The following DYNC2H1 variants were observed in gnomAD, a reference collection of about 807,000 sequenced individuals.
The protein encoded by DYNC2H1 is cytoplasmic dynein 2 heavy chain 1.
Under a neutral mutation model 570.0 loss-of-function variants are expected in DYNC2H1, and 410 were observed. That is an observed-to-expected ratio of 0.72 (90% CI 0.66 to 0.78). The LOEUF (loss-of-function observed/expected upper bound fraction) is 0.78, where lower values mean the gene tolerates loss of function less well. Among genes scored for constraint, DYNC2H1 ranks in the 30% least tolerant of loss-of-function variants. DYNC2H1 has a pLI of 0.00. For missense variants in DYNC2H1, 4,865 were observed against 5,046.4 expected (o/e 0.96, Z 1.09); for synonymous variants, 1,688 against 1,677.6 (o/e 1.01, Z -0.15).
chr11:103,307,979 T>C (rs961915017), intron 78 of DYNC2H1, 148 bp downstream of exon 78: 1 of 423,140 alleles, frequency 2.4e-6, no homozygotes. Flanking sequence ...CATAAGATGA[T>C]GTAAAATACA....
In DYNC2H1 at chr11:103,325,121, T is replaced by C. The variant is rs979544462; in HGVS notation, c.12039+1131T>C. 6.6e-6 allele frequency among the ~76,000 whole-genome samples: 1 copy of C among 152,208 alleles called. No individual in the cohort carries two copies. On this transcript the variant is annotated intron_variant, in intron 82 of 88. Transcript: ENST00000375735. The surrounding 1 kb of genome is among the most constrained non-coding windows in gnomAD (Gnocchi z 4.8). The stretch of plus-strand genomic sequence containing the variant: ...TAGATTCTGGACATTGGACCTTTGT[T>C]GAGTACTTAGTTTGCAAACATTTTC...
At chr11:103,450,398 TGC>T (rs1162487724) in intron 85 of DYNC2H1, among the ~76,000 whole-genome samples, 2 of 152,198 alleles carry the variant, frequency 1.3e-5, no homozygotes, top group African/African-American at 4.8e-5. Flanking sequence ...CGCATTCAAG[TGC>T]GCACAGGGTG....
intron 84 of DYNC2H1, among the ~76,000 whole-genome samples, chr11:103,434,803 T>TAGAG (rs1944006431): frequency 1.3e-5 from 2 of 152,236 alleles, no homozygotes; most frequent in South Asian, 4.1e-4. Context: ...TGGGGGTCTC[T>TAGAG]GTTCATCTCC....
Position 103,156,799 on chromosome 11 carries a change from C to A in DYNC2H1, c.4127+29C>A, listed in dbSNP as rs754439081. The A allele has an allele frequency of 4.4e-6, 7 of 1,575,086 alleles. No homozygotes were observed. The African/African-American group carries it at 8.3e-5, about 19-fold the overall frequency. The stretch of plus-strand genomic sequence containing the variant: ...AGTACAATGATGTAAGACATAGACA[C>A]ATATGGTATTTTTTTTAAATTAATT... On this transcript the variant is annotated intron_variant, in intron 26 of 88. Transcript: ENST00000375735.
chr11:103,130,803 A>G (rs1167715227), intron 13 of DYNC2H1, among the ~76,000 whole-genome samples: 1 of 152,174 alleles, frequency 6.6e-6, no homozygotes, highest in Non-Finnish European at 1.5e-5. Context: ...CTGAGGAGGA[A>G]ACTTATTTTG....
chr11:103,193,893 C>T (rs1347153180), intron 47 of DYNC2H1, among the ~76,000 whole-genome samples: 1 of 152,024 alleles, frequency 6.6e-6, no homozygotes. Flanking sequence ...TAGATCTAGG[C>T]ATATAGGATT....
chr11:103,436,517 G>T (rs1944065237), intron 85 of DYNC2H1, among the ~76,000 whole-genome samples: 1 of 145,158 alleles, frequency 6.9e-6, no homozygotes, highest in Non-Finnish European at 1.5e-5. Flanking sequence ...ATGCAAACAA[G>T]GTACCTTTGT....
intron 70 of DYNC2H1, among the ~76,000 whole-genome samples, chr11:103,270,577 CCTCTCTCTCT>C (rs3076351): frequency 2.1e-5 from 3 of 146,262 alleles, no homozygotes; most frequent in African/African-American, 5.0e-5. Flanking sequence ...TGATGTGGTA[CCTCTCTCTCT>C]CTCTCTCTCT....
At chr11:103,125,336 T>A in intron 12 of DYNC2H1, 41 bp downstream of exon 12, 1 of 1,450,378 alleles carries the variant, frequency 6.9e-7, no homozygotes, top group Non-Finnish European at 9.3e-7. Context: ...TATTTGGAGT[T>A]CATTACGTTA....
intron 18 of DYNC2H1, among the ~76,000 whole-genome samples, chr11:103,144,433 A>T (rs1591311340): frequency 6.6e-6 from 1 of 152,198 alleles, no homozygotes; most frequent in South Asian, 2.1e-4. Context: ...TCAGAGGATG[A>T]TGACATCCCC....
At chr11:103,366,808 A>G (rs1055485022) in intron 83 of DYNC2H1, among the ~76,000 whole-genome samples, 1 of 152,178 alleles carries the variant, frequency 6.6e-6, no homozygotes, top group Non-Finnish European at 1.5e-5. Context: ...AACTATTACT[A>G]ATACAGATTT....
rs187196207 is a variant in DYNC2H1 at position 103,192,132 on chromosome 11, A to G, written c.7576A>G (p.Ile2526Val). 3.1e-4 allele frequency: 475 copies of G among 1,548,516 alleles called. No individual in the cohort carries two copies. In the East Asian group the frequency reaches 4.5e-3, roughly 15 times the overall value. Residue 2526 changes from isoleucine (I) to valine (V), a missense_variant, in exon 47 of 89, where the codon ATT becomes GTT. Ile to Val is a conservative substitution (Grantham distance 29). This residue lies in a region of DYNC2H1 where 2,401 missense variants were observed against 2,454.6 expected (regional missense o/e 0.98). Coordinates refer to ENST00000375735, the MANE Select transcript of DYNC2H1 (RefSeq NM_001377.3). ...SNHPLDYVLE[I>V]VAYEARRLFR... ...CCATCCACTAGATTATGTGTTAGAA[A>G]TTGTAGCATATGAGGCACGGCGCTT...
In DYNC2H1 at chr11:103,173,270, GAGCAGAAAATTGGT is replaced by G; in HGVS notation, c.5527_5540del (p.Arg1843TyrfsTer6). The G allele has an allele frequency of 6.3e-7, 1 of 1,585,460 alleles. No homozygotes were observed. Among genetic ancestry groups the G allele is most frequent in the Non-Finnish European group, 8.6e-7 (1 of 1,167,640 alleles). On this transcript the variant is annotated frameshift_variant, in exon 35 of 89. Coordinates refer to ENST00000375735, the MANE Select transcript of DYNC2H1 (RefSeq NM_001377.3). LOFTEE classifies it high-confidence loss of function. ...AAGGCTTTAAAGACGCTAAAGTATT[GAGCAGAAAATTGGT>G]AGCTATTTTCAATCTATCTAGGTGA... is the stretch of plus-strand genomic sequence containing the variant.
intron 39 of DYNC2H1, among the ~76,000 whole-genome samples, chr11:103,180,814 G>GGCCT (rs1436338834): frequency 4.6e-5 from 7 of 151,166 alleles, no homozygotes; most frequent in African/African-American, 1.7e-4. Flanking sequence ...ATCTTTGGTT[G>GGCCT]GCCTACTTTG....
At chr11:103,141,111 AT>A (rs1389672541) in intron 17 of DYNC2H1, among the ~76,000 whole-genome samples, 6 of 151,784 alleles carry the variant, frequency 4.0e-5, no homozygotes, top group African/African-American at 1.2e-4. Context: ...ATTCATCTAA[AT>A]TTTTTTCAAA....
In DYNC2H1 at chr11:103,205,036, C is replaced by A; in HGVS notation, c.8454+72C>A. On this transcript the variant is annotated intron_variant, in intron 52 of 88. Transcript: ENST00000375735. The surrounding 1 kb of genome is among the most constrained non-coding windows in gnomAD (Gnocchi z 4.5). ...GAAGTTATTGATTTTCACAACTTCT[C>A]TTTGGTGTTGGTTATAACATCACCT... 1 of 1,414,248 alleles carries A rather than the reference C, an allele frequency of 7.1e-7. No homozygotes were observed. The highest frequency in any genetic ancestry group is 9.6e-7 in the Non-Finnish European group (1 of 1,043,238). 87.6% of individuals were successfully genotyped at this position (1,414,248 alleles called of 1,614,324 possible).
intron 70 of DYNC2H1, among the ~76,000 whole-genome samples, chr11:103,269,685 C>G (rs1408826500): frequency 6.6e-6 from 1 of 151,978 alleles, no homozygotes; most frequent in South Asian, 2.1e-4. Flanking sequence ...GTTTTTTCTT[C>G]AAGAGATCAA....
At chr11:103,216,766 C>T (rs915325818) in intron 55 of DYNC2H1, among the ~76,000 whole-genome samples, 3 of 150,212 alleles carry the variant, frequency 2.0e-5, no homozygotes, top group African/African-American at 7.4e-5. Context: ...TGCTCTCCAG[C>T]CTGAGTGACA....
At position 103,472,050 on chromosome 11, in the gene DYNC2H1, T is replaced by A. The variant is rs1236656302; in HGVS notation, c.12765+3345T>A. ...AGAAGTAGCAGCATATGTAAATATA[T>A]GCAGATAGAAAAGAGCTTAGGATAT... is the stretch of plus-strand genomic sequence containing the variant. On this transcript the variant is annotated intron_variant, in intron 88 of 88. Coordinates refer to ENST00000375735, the MANE Select transcript of DYNC2H1 (RefSeq NM_001377.3). The surrounding 1 kb of genome is among the most constrained non-coding windows in gnomAD (Gnocchi z 4.1). Among the ~76,000 whole-genome samples the A allele has an allele frequency of 6.6e-6, 1 of 152,196 alleles. No individual in the cohort carries two copies. The highest frequency in any genetic ancestry group is 2.4e-5 in the African/African-American group (1 of 41,448).
Sources: gnomAD v4.1 joint callset for allele counts (sites outside exome capture counted in the v4.1 genomes callset) on GRCh38, gnomAD v4.1.1 for gene constraint, gnomAD v4.1.1 regional missense constraint, Gnocchi (gnomAD v3.1) non-coding constraint, MANE v1.5 for transcripts, NCBI Gene and HGNC (gene_info 2026-07-23, HGNC 2026-07-21) for gene names.